ZDHHC14: variants seen among roughly 807,000 people sequenced by gnomAD.
ZDHHC14 encodes the protein palmitoyltransferase ZDHHC14.
A neutral mutation model predicts 47.7 loss-of-function variants in ZDHHC14; 16 were observed. The ratio of observed to expected loss-of-function variants is 0.34; its 90% CI spans 0.23 to 0.51. ZDHHC14 has a LOEUF of 0.51. Ranked by LOEUF, ZDHHC14 falls within the 20% of genes least tolerant of loss-of-function variation. The pLI is 0.97. For missense variants in ZDHHC14, 515 were observed against 662.5 expected (o/e 0.78, Z 2.44); for synonymous variants, 293 against 278.9 (o/e 1.05, Z -0.50).
intron 3 of ZDHHC14, among the ~76,000 whole-genome samples, chr6:157,617,199 G>A (rs1260608922): frequency 6.6e-6 from 1 of 152,084 alleles, no homozygotes; most frequent in Non-Finnish European, 1.5e-5. Flanking sequence ...GATATTATGT[G>A]AAAAAACCCT....
chr6:157,622,216 CAAAAAAAA>C (rs35681787), intron 3 of ZDHHC14, among the ~76,000 whole-genome samples: 13 of 93,864 alleles, frequency 1.4e-4, no homozygotes, highest in African/African-American at 2.7e-4. Context: ...ACTAAAAATA[CAAAAAAAA>C]AAAAAAAAAA....
chr6:157,473,150 T>C (rs1182740803), intron 1 of ZDHHC14, among the ~76,000 whole-genome samples: 3 of 152,330 alleles, frequency 2.0e-5, no homozygotes. Flanking sequence ...GCTCACATAC[T>C]TATCATTTTT....
intron 3 of ZDHHC14, among the ~76,000 whole-genome samples, chr6:157,600,636 C>T (rs369126763): frequency 1.3e-5 from 2 of 152,172 alleles, no homozygotes; most frequent in African/African-American, 2.4e-5. Flanking sequence ...GAACTACTGA[C>T]CTCAAGTGAT....
intron 2 of ZDHHC14, among the ~76,000 whole-genome samples, chr6:157,561,003 A>G (rs762399620): frequency 9.2e-5 from 14 of 152,252 alleles, no homozygotes; most frequent in Admixed American, 4.6e-4. Flanking sequence ...ATGGAAGCCC[A>G]TAAGAAACTA....
chr6:157,387,960 C>A (rs144945615), intron 1 of ZDHHC14, among the ~76,000 whole-genome samples: 3,234 of 152,216 alleles, frequency 0.021, 105 homozygotes, highest in African/African-American at 0.073. Flanking sequence ...GCCTCAGAAA[C>A]TTTGATTATT....
chr6:157,466,046 A>C (rs184595081), intron 1 of ZDHHC14, among the ~76,000 whole-genome samples: 1 of 150,200 alleles, frequency 6.7e-6, no homozygotes, highest in Non-Finnish European at 1.5e-5. Context: ...TGTCTCAAAG[A>C]AAAAAAAAAG....
intron 1 of ZDHHC14, among the ~76,000 whole-genome samples, chr6:157,402,996 A>C (rs1777675738): frequency 6.6e-6 from 1 of 152,098 alleles, no homozygotes; most frequent in African/African-American, 2.4e-5. Context: ...CTGCCTCCCA[A>C]AGTGCTGGGA....
At chr6:157,480,497 C>T (rs1360202018) in intron 1 of ZDHHC14, among the ~76,000 whole-genome samples, 1 of 152,154 alleles carries the variant, frequency 6.6e-6, no homozygotes, top group East Asian at 1.9e-4. Context: ...GAACTCCTGA[C>T]CTCAAGTGAT....
chr6:157,428,048 T>C (rs1192978787), intron 1 of ZDHHC14, among the ~76,000 whole-genome samples: 1 of 152,212 alleles, frequency 6.6e-6, no homozygotes, highest in Non-Finnish European at 1.5e-5. Context: ...CCTGGAGGGC[T>C]GTTCTGCTGT....
At chr6:157,585,555 G>T (rs1270908826) in intron 2 of ZDHHC14, among the ~76,000 whole-genome samples, 1 of 152,172 alleles carries the variant, frequency 6.6e-6, no homozygotes, top group Non-Finnish European at 1.5e-5. Flanking sequence ...TTGGCCACTG[G>T]CCTCAGGCTA....
At chr6:157,548,107 A>ACC (rs1562474372) in intron 2 of ZDHHC14, among the ~76,000 whole-genome samples, 6 of 151,548 alleles carry the variant, frequency 4.0e-5, no homozygotes, top group African/African-American at 1.5e-4. Context: ...CCCTCCCCAA[A>ACC]AAAAAAAAAT....
In ZDHHC14 at chr6:157,522,920, C is replaced by CCTTTCTTTCTTTCTTTCTTT. The variant is rs781533305; in HGVS notation, c.246-19659_246-19640dup. On this transcript the variant is annotated intron_variant, in intron 1 of 8. Transcript: ENST00000359775. ...TCCTTCCTTCCTTCCTTCCTTCCTT[C>CCTTTCTTTCTTTCTTTCTTT]CTTTCTTTCTTTCTTTCTTTCTTTC... Among the ~76,000 whole-genome samples the CCTTTCTTTCTTTCTTTCTTT allele has an allele frequency of 2.2e-4, 7 of 32,052 alleles. 1 individual carries two copies. In the African/African-American group the frequency reaches 2.2e-3, roughly 10 times the overall value. 21.0% of individuals were successfully genotyped at this position (32,052 alleles called of 152,430 possible).
chr6:157,387,495 G>T (rs1217432978), intron 1 of ZDHHC14, among the ~76,000 whole-genome samples: 5 of 152,142 alleles, frequency 3.3e-5, no homozygotes, highest in African/African-American at 4.8e-5. Flanking sequence ...GGTCTCATCG[G>T]TTTTTTTCTA....
At chr6:157,541,555 C>T in intron 1 of ZDHHC14, among the ~76,000 whole-genome samples, 1 of 152,290 alleles carries the variant, frequency 6.6e-6, no homozygotes, top group South Asian at 2.1e-4. Flanking sequence ...ATGAGGTGGG[C>T]AATCTAGCAT....
At chr6:157,543,788 T>A (rs1781860022) in intron 2 of ZDHHC14, among the ~76,000 whole-genome samples, 2 of 152,238 alleles carry the variant, frequency 1.3e-5, no homozygotes, top group African/African-American at 4.8e-5. Context: ...ACTGCAGCTG[T>A]CTTGTGTCCT....
chr6:157,456,393 C>T (rs981173969), intron 1 of ZDHHC14, among the ~76,000 whole-genome samples: 2 of 152,160 alleles, frequency 1.3e-5, no homozygotes, highest in Non-Finnish European at 2.9e-5. Flanking sequence ...AGAATCAAGG[C>T]CTGGCCTAGA....
In ZDHHC14 at chr6:157,647,372, AGACTCAG is replaced by A. The variant is rs1777609506; in HGVS notation, c.965+8_965+14del. The A allele has an allele frequency of 6.2e-7, 1 of 1,610,454 alleles. No individual in the cohort carries two copies. Among genetic ancestry groups the A allele is most frequent in the Non-Finnish European group, 8.5e-7 (1 of 1,177,220 alleles). On this transcript the variant is annotated splice_donor_5th_base_variant and intron_variant, in intron 7 of 8. Coordinates refer to ENST00000359775, the MANE Select transcript of ZDHHC14 (RefSeq NM_024630.3). The stretch of plus-strand genomic sequence containing the variant: ...TGTGTGGGCCCATCTCACCAAGGTA[AGACTCAG>A]GACGCATCGTGCTCTTCAACAGACC...
intron 8 of ZDHHC14, among the ~76,000 whole-genome samples, chr6:157,668,742 ACTT>A (rs762237665): frequency 5.3e-5 from 8 of 152,110 alleles, no homozygotes; most frequent in Non-Finnish European, 1.0e-4. Flanking sequence ...CTTAGGCTAA[ACTT>A]CTTCTTTCAC....
intron 3 of ZDHHC14, among the ~76,000 whole-genome samples, chr6:157,603,062 G>T (rs1784396407): frequency 6.6e-6 from 1 of 152,228 alleles, no homozygotes; most frequent in Non-Finnish European, 1.5e-5. Flanking sequence ...TGTCTGAAGT[G>T]GATGTTGCCG....
Sources: allele counts gnomAD v4.1 joint callset (sites outside exome capture counted in the v4.1 genomes callset), GRCh38; gene constraint gnomAD v4.1.1; transcripts MANE v1.5; gene names NCBI Gene and HGNC (gene_info 2026-07-23, HGNC 2026-07-21).